Variants in CFAP20DC observed in about 807,000 individuals in gnomAD.
The protein encoded by CFAP20DC is CFAP20 domain containing, also known as protein CFAP20DC.
In CFAP20DC, 84 loss-of-function variants were observed where a neutral mutation model predicts 101.7. The observed-to-expected ratio is 0.83, with a 90% CI of 0.69 to 0.99. The LOEUF is 0.99. Ranked by LOEUF, CFAP20DC falls within the 50% of genes least tolerant of loss-of-function variation. The pLI, the probability that CFAP20DC is intolerant of heterozygous loss-of-function variation, is 0.00. For missense variants in CFAP20DC, 1,007 were observed against 970.3 expected (o/e 1.04, Z -0.50); for synonymous variants, 359 against 351.2 (o/e 1.02, Z -0.25).
intron 14 of CFAP20DC, among the ~76,000 whole-genome samples, chr3:58,811,041 A>C (rs1163292081): frequency 1.3e-5 from 2 of 152,182 alleles, no homozygotes; most frequent in Non-Finnish European, 2.9e-5. Context: ...ATCACTGCTC[A>C]GTGAAATAAA....
chr3:58,837,155 C>T (rs1476428562), intron 13 of CFAP20DC, among the ~76,000 whole-genome samples: 1 of 152,138 alleles, frequency 6.6e-6, no homozygotes, highest in Non-Finnish European at 1.5e-5. Context: ...ATAAGAATGC[C>T]TGTAATTTAC....
chr3:58,823,896 C>A (rs1472528716), intron 14 of CFAP20DC, among the ~76,000 whole-genome samples: 1 of 152,044 alleles, frequency 6.6e-6, no homozygotes, highest in African/African-American at 2.4e-5. Context: ...TTTAAAAAAT[C>A]AGTTTTGCCA....
chr3:58,937,592 A>T, intron 5 of CFAP20DC, 56 bp downstream of exon 5: 1 of 1,047,470 alleles, frequency 9.5e-7, no homozygotes. Context: ...TCAGCCCATA[A>T]GTAATATTTG....
chr3:58,861,415 T>A lies in CFAP20DC; in HGVS notation c.1593+2143A>T, dbSNP rs1295972976. The A allele has an allele frequency of 2.2e-5, 18 of 832,278 alleles. No individual in the cohort carries two copies. The highest frequency in any genetic ancestry group is 2.6e-5 in the Non-Finnish European group (18 of 690,644). The allele number at this position is 832,278 out of a possible 1,614,324, so 51.6% of individuals were successfully genotyped here. On this transcript the variant is annotated intron_variant, in intron 12 of 16. Transcript: ENST00000482387. This position sits in a 1 kb window ranked among gnomAD's most constrained non-coding sequence, Gnocchi z 4.0. ...GTAAGGATGCCTTAATTAACTAAAC[T>A]GATTTTTCTTCAAAGACTATATGTA... is the stretch of plus-strand genomic sequence containing the variant.
chr3:58,804,605 C>T (rs1226873448), intron 15 of CFAP20DC, among the ~76,000 whole-genome samples: 1 of 152,154 alleles, frequency 6.6e-6, no homozygotes, highest in East Asian at 1.9e-4. Context: ...TCAGGTGATC[C>T]ATCTGCCTTA....
intron 14 of CFAP20DC, among the ~76,000 whole-genome samples, chr3:58,818,511 C>G (rs1311276346): frequency 2.6e-4 from 39 of 151,510 alleles, no homozygotes; most frequent in African/African-American, 9.0e-4. Context: ...ATAAAACAGA[C>G]TTTAAACCAA....
chr3:59,025,928 TAAGA>T, intron 4 of CFAP20DC, among the ~76,000 whole-genome samples: 1 of 152,088 alleles, frequency 6.6e-6, no homozygotes, highest in South Asian at 2.1e-4. Context: ...TGAACCAAAC[TAAGA>T]AACAGGAAAA....
intron 5 of CFAP20DC, among the ~76,000 whole-genome samples, chr3:58,922,018 T>C (rs1340525142): frequency 6.6e-6 from 1 of 152,214 alleles, no homozygotes; most frequent in Non-Finnish European, 1.5e-5. Context: ...TACTCTAGCT[T>C]TTTTATGATT....
Position 58,831,902 on chromosome 3 carries a change from G to A in CFAP20DC, c.1972-13C>T, listed in dbSNP as rs367557288. 1.1e-4 allele frequency: 171 copies of A among 1,611,696 alleles called. 1 individual carries two copies. The South Asian group carries it at 1.1e-3, about 11-fold the overall frequency. ...GCCAGTCATATTCCTGACCAAGAGA[G>A]AGGAAAATAACAAAGGGTCATTTGG... On this transcript the variant is annotated splice_polypyrimidine_tract_variant and intron_variant, in intron 13 of 16. Coordinates refer to ENST00000482387, the MANE Select transcript of CFAP20DC (RefSeq NM_001394063.1).
intron 3 of CFAP20DC, chr3:58,734,429 C>G: frequency 7.4e-6 from 3 of 406,850 alleles, no homozygotes; most frequent in South Asian, 5.3e-5. Context: ...CAGGCCTAGG[C>G]TTAAATAATA....
intron 6 of CFAP20DC, among the ~76,000 whole-genome samples, chr3:58,906,043 A>C (rs1047685847): frequency 2.0e-5 from 3 of 152,202 alleles, no homozygotes; most frequent in Non-Finnish European, 4.4e-5. Context: ...GACATTGTGC[A>C]CCTTACTTGA....
intron 4 of CFAP20DC, among the ~76,000 whole-genome samples, chr3:58,991,584 G>C (rs2092939259): frequency 6.6e-6 from 1 of 152,122 alleles, no homozygotes; most frequent in Admixed American, 6.5e-5. Context: ...ACGGGGTAGG[G>C]GGAAGTTATG....
At chr3:58,989,820 GA>G (rs2092877765) in intron 4 of CFAP20DC, among the ~76,000 whole-genome samples, 1 of 152,112 alleles carries the variant, frequency 6.6e-6, no homozygotes, top group Non-Finnish European at 1.5e-5. Context: ...TCATTTGGAT[GA>G]GAGCAAGAAA....
At chr3:58,816,629 C>CA (rs1553679135) in intron 14 of CFAP20DC, among the ~76,000 whole-genome samples, 2 of 152,032 alleles carry the variant, frequency 1.3e-5, no homozygotes, top group African/African-American at 4.8e-5. Context: ...ACACCTGGCT[C>CA]GAGGGTCCTA....
At chr3:58,937,794 T>G in intron 4 of CFAP20DC, 32 bp from the exon 5 acceptor site, 1 of 1,185,368 alleles carries the variant, frequency 8.4e-7, no homozygotes, top group South Asian at 1.3e-5. Flanking sequence ...GACAGAAAGA[T>G]TCCCATCAAT....
At chr3:58,898,421 T>A (rs2082854032) in intron 6 of CFAP20DC, among the ~76,000 whole-genome samples, 1 of 152,196 alleles carries the variant, frequency 6.6e-6, no homozygotes, top group African/African-American at 2.4e-5. Context: ...GTGATCCACA[T>A]GCTTTGGCCT....
At chr3:58,873,313 C>G (rs1287839345) in intron 7 of CFAP20DC, among the ~76,000 whole-genome samples, 1 of 149,252 alleles carries the variant, frequency 6.7e-6, no homozygotes, top group African/African-American at 2.5e-5. Flanking sequence ...TGCTGTAAGG[C>G]AGGTGCTCAA....
At chr3:58,860,353 G>C (rs773350230) in intron 12 of CFAP20DC, among the ~76,000 whole-genome samples, 1 of 152,098 alleles carries the variant, frequency 6.6e-6, no homozygotes, top group African/African-American at 2.4e-5. Context: ...AAAGCTGGGA[G>C]GGTGGACGAA....
At chr3:58,720,880 T>A (rs1274687713) in intron 3 of CFAP20DC, among the ~76,000 whole-genome samples, 1 of 152,220 alleles carries the variant, frequency 6.6e-6, no homozygotes. Flanking sequence ...AAATGTAAAT[T>A]ACAAAGGAGT....
Sources: allele counts gnomAD v4.1 joint callset (sites outside exome capture counted in the v4.1 genomes callset), GRCh38; gene constraint gnomAD v4.1.1; non-coding constraint Gnocchi (gnomAD v3.1); transcripts MANE v1.5; gene names NCBI Gene and HGNC (gene_info 2026-07-23, HGNC 2026-07-21).